The following MAPKAPK2 variants were observed in gnomAD, a reference collection of about 807,000 sequenced individuals.
The protein encoded by MAPKAPK2 is MAPK activated protein kinase 2.
A neutral mutation model predicts 48.8 loss-of-function variants in MAPKAPK2; 9 were observed. The observed-to-expected ratio is 0.18, with a 90% CI of 0.11 to 0.32. The LOEUF (loss-of-function observed/expected upper bound fraction) is 0.32. Ranked by LOEUF, MAPKAPK2 falls within the 10% of genes least tolerant of loss-of-function variation. MAPKAPK2 has a pLI of 1.00. For missense variants in MAPKAPK2, 331 were observed against 498.3 expected (o/e 0.66, Z 3.20); for synonymous variants, 202 against 190.6 (o/e 1.06, Z -0.49).
At chr1:206,693,358 C>T (rs189494181) in intron 1 of MAPKAPK2, among the ~76,000 whole-genome samples, 35 of 152,270 alleles carry the variant, frequency 2.3e-4, no homozygotes, top group African/African-American at 8.4e-4. Context: ...CCCTGCTTGC[C>T]CCTTTCTCTT....
At chr1:206,696,313 C>T (rs1672623646) in intron 1 of MAPKAPK2, 19 of 839,180 alleles carry the variant, frequency 2.3e-5, no homozygotes, top group Admixed American at 1.4e-4. Context: ...CGCAAGGCAC[C>T]TCTTTAGATA....
chr1:206,728,931 G>T, intron 2 of MAPKAPK2, 82 bp downstream of exon 2: 1 of 1,611,344 alleles, frequency 6.2e-7, no homozygotes, highest in Non-Finnish European at 8.5e-7. Flanking sequence ...ACAGCCCAGG[G>T]ATGGGCCTGA....
chr1:206,723,146 G>A (rs1673588735), intron 1 of MAPKAPK2, among the ~76,000 whole-genome samples: 1 of 152,218 alleles, frequency 6.6e-6, no homozygotes, highest in South Asian at 2.1e-4. Flanking sequence ...GTGGTGTAGT[G>A]AGGGAGTGTA....
At chr1:206,692,892 G>A (rs1036454830) in intron 1 of MAPKAPK2, among the ~76,000 whole-genome samples, 4 of 152,198 alleles carry the variant, frequency 2.6e-5, no homozygotes, top group African/African-American at 9.7e-5. Context: ...AGCCTTTTCT[G>A]TTTCAGAGCA....
chr1:206,722,660 G>T (rs1673561460), intron 1 of MAPKAPK2, among the ~76,000 whole-genome samples: 1 of 152,188 alleles, frequency 6.6e-6, no homozygotes, highest in South Asian at 2.1e-4. Context: ...TGTATAAATG[G>T]ATCCACGCAG....
intron 1 of MAPKAPK2, among the ~76,000 whole-genome samples, chr1:206,726,711 C>T (rs1673712360): frequency 6.6e-6 from 1 of 152,230 alleles, no homozygotes; most frequent in Non-Finnish European, 1.5e-5. Context: ...TGCCTTTTCT[C>T]AGAAACTTAG....
chr1:206,705,580 T>C (rs1383567510), intron 1 of MAPKAPK2, among the ~76,000 whole-genome samples: 2 of 152,146 alleles, frequency 1.3e-5, no homozygotes, highest in Non-Finnish European at 2.9e-5. Flanking sequence ...TGCAATTGTG[T>C]TGACTCTTGA....
In MAPKAPK2 at chr1:206,728,796, T is replaced by C; in HGVS notation, c.366T>C (p.Asp122=). 1 of 1,614,168 alleles carries C rather than the reference T, an allele frequency of 6.2e-7. No homozygotes were observed. Among genetic ancestry groups the C allele is most frequent in the Admixed American group, 1.7e-5 (1 of 60,020 alleles). Residue 122 remains aspartate (D), a synonymous_variant, in exon 2 of 10, where the codon GAT becomes GAC. Transcript: ENST00000367103. ...GCCCGCACATCGTACGGATCGTGGA[T>C]GTGTACGAGAATCTGTACGCAGGGA... ...SQCPHIVRIV[D]VYENLYAGRK...
At chr1:206,698,293 C>T (rs781860111) in intron 1 of MAPKAPK2, among the ~76,000 whole-genome samples, 9 of 152,120 alleles carry the variant, frequency 5.9e-5, no homozygotes, top group Non-Finnish European at 1.2e-4. Context: ...GGGTTTAGAC[C>T]CCTTTAATAC....
rs567618933 is a variant in MAPKAPK2 at position 206,688,976 on chromosome 1, G to T, written c.279+3468G>T. ...AAGGACACCTAGTCTCAACCCACTT[G>T]TGTATTAATTAGTTGTATTCCCCGG... On this transcript the variant is annotated intron_variant, in intron 1 of 9. Coordinates refer to ENST00000367103, the MANE Select transcript of MAPKAPK2 (RefSeq NM_032960.4). 1.4e-4 allele frequency among the ~76,000 whole-genome samples: 21 copies of T among 152,218 alleles called. No homozygotes were observed. In the South Asian group the frequency reaches 4.4e-3, roughly 32 times the overall value.
chr1:206,693,743 C>T (rs141500419), intron 1 of MAPKAPK2, among the ~76,000 whole-genome samples: 152 of 152,348 alleles, frequency 1.0e-3, no homozygotes, highest in South Asian at 2.7e-3. Flanking sequence ...TGCTACCTAC[C>T]GTGTACTCCT....
intron 1 of MAPKAPK2, among the ~76,000 whole-genome samples, chr1:206,703,666 C>T (rs76990833): frequency 6.0e-4 from 91 of 152,304 alleles, no homozygotes; most frequent in Non-Finnish European, 1.2e-3. Flanking sequence ...GAGACTTTTC[C>T]GTAATGCCTG....
intron 1 of MAPKAPK2, among the ~76,000 whole-genome samples, chr1:206,698,310 T>C (rs1672692866): frequency 6.6e-6 from 1 of 152,218 alleles, no homozygotes; most frequent in Non-Finnish European, 1.5e-5. Context: ...ATACCTCTGC[T>C]ATATGAGATG....
intron 1 of MAPKAPK2, among the ~76,000 whole-genome samples, chr1:206,717,864 CAGAA>C (rs1673383152): frequency 6.8e-6 from 1 of 147,790 alleles, no homozygotes; most frequent in African/African-American, 2.5e-5. Flanking sequence ...AGATATAAAA[CAGAA>C]AGAAAAAAAA....
chr1:206,724,549 C>CTTTTTTTTTTTTTTT (rs11405091), intron 1 of MAPKAPK2, among the ~76,000 whole-genome samples: 1 of 134,510 alleles, frequency 7.4e-6, no homozygotes. Context: ...ATGACCAGTC[C>CTTTTTTTTTTTTTTT]TTTTTTTTTT....
At chr1:206,691,506 C>CATAT (rs1672457649) in intron 1 of MAPKAPK2, among the ~76,000 whole-genome samples, 1 of 24,770 alleles carries the variant, frequency 4.0e-5, no homozygotes, top group South Asian at 1.3e-3. Context: ...TATATATATA[C>CATAT]ACACATACAC....
intron 1 of MAPKAPK2, among the ~76,000 whole-genome samples, chr1:206,703,749 C>T (rs1553428187): frequency 1.3e-5 from 2 of 152,202 alleles, no homozygotes; most frequent in African/African-American, 4.8e-5. Context: ...AGCCTCCTCC[C>T]TTCTAGATCA....
In MAPKAPK2 at chr1:206,704,673, G is replaced by A. The variant is rs981984613; in HGVS notation, c.279+19165G>A. On this transcript the variant is annotated intron_variant, in intron 1 of 9. Transcript: ENST00000367103. The surrounding 1 kb of genome is among the most constrained non-coding windows in gnomAD (Gnocchi z 4.3). ...TGTGCATGGGTTCAGTCCCTTTTATGAAGTCTAATGGTCCTTCCAGAAGCT... is the reference window on the plus strand; with the variant it reads ...TGTGCATGGGTTCAGTCCCTTTTATAAAGTCTAATGGTCCTTCCAGAAGCT... Among the ~76,000 whole-genome samples the A allele has an allele frequency of 6.6e-6, 1 of 152,130 alleles. No individual in the cohort carries two copies. The highest frequency in any genetic ancestry group is 1.5e-5 in the Non-Finnish European group (1 of 68,024).
At position 206,731,180 on chromosome 1, in the gene MAPKAPK2, C is replaced by T. The variant is rs1553432601; in HGVS notation, c.810C>T (p.Ala270=). The change falls in exon 7 of 10, where the codon GCC becomes GCT. Residue 270 remains alanine (A), a synonymous_variant. Transcript: ENST00000367103. The surrounding 1 kb of genome is among the most constrained non-coding windows in gnomAD (Gnocchi z 5.9). ...CCTTCTACTCCAACCACGGCCTTGC[C>T]ATCTCTCCGGGCATGAAGACTCGCA... ...YPPFYSNHGL[A]ISPGMKTRIR... The T allele has an allele frequency of 6.2e-7, 1 of 1,614,120 alleles. No homozygotes were observed. The highest frequency in any genetic ancestry group is 1.1e-5 in the South Asian group (1 of 91,074).
Sources: allele counts gnomAD v4.1 joint callset (sites outside exome capture counted in the v4.1 genomes callset), GRCh38; gene constraint gnomAD v4.1.1; non-coding constraint Gnocchi (gnomAD v3.1); transcripts MANE v1.5; gene names NCBI Gene and HGNC (gene_info 2026-07-23, HGNC 2026-07-21).